HHIPL1: variants seen among roughly 807,000 people sequenced by gnomAD.
HHIPL1 encodes the protein HHIP like 1, also known as HHIP-like protein 1.
In HHIPL1, 43 loss-of-function variants were observed where a neutral mutation model predicts 61.8. That is an observed-to-expected ratio of 0.70 (90% CI 0.55 to 0.90). The LOEUF is 0.90. HHIPL1 is among the 40% of genes least tolerant of loss of function. The pLI, the probability that HHIPL1 is intolerant of heterozygous loss-of-function variation, is 0.00. For synonymous variants in HHIPL1, 482 were observed against 515.8 expected (o/e 0.93, Z 0.89); for missense variants, 1,056 against 1,157.7 (o/e 0.91, Z 1.28).
chr14:99,647,325 G>A (rs35910916), intron 1 of HHIPL1, among the ~76,000 whole-genome samples: 27,942 of 152,128 alleles, frequency 0.18, 2,987 homozygotes, highest in Non-Finnish European at 0.24. Context: ...CAGCCTGGGG[G>A]CTCCTCAGGA....
upstream of HHIPL1, chr14:99,645,113 G>C: frequency 8.8e-7 from 1 of 1,137,744 alleles, no homozygotes; most frequent in African/African-American, 1.6e-5. Context: ...TGCGTGTAGG[G>C]AAGGGGAGCG....
chr14:99,655,403 C>T (rs1478320947), intron 2 of HHIPL1, among the ~76,000 whole-genome samples: 2 of 152,132 alleles, frequency 1.3e-5, no homozygotes, highest in Non-Finnish European at 2.9e-5. Context: ...AGGAGGATCG[C>T]TTGAGGACAG....
intron 4 of HHIPL1, 23 bp downstream of exon 4, chr14:99,659,779 C>T: frequency 7.2e-7 from 1 of 1,385,754 alleles, no homozygotes; most frequent in Non-Finnish European, 9.3e-7. Flanking sequence ...GCCCCGGGGA[C>T]CCCGGCCCCG....
intron 1 of HHIPL1, among the ~76,000 whole-genome samples, chr14:99,646,278 G>C (rs1406726117): frequency 1.3e-5 from 2 of 152,274 alleles, no homozygotes; most frequent in African/African-American, 4.8e-5. Context: ...GCAGCCCCAA[G>C]GCATTCCTGC....
chr14:99,645,170 C>A lies in HHIPL1; in HGVS notation c.-38C>A. The A allele has an allele frequency of 7.9e-7, 1 of 1,259,144 alleles. No individual in the cohort carries two copies. Among genetic ancestry groups the A allele is most frequent in the Non-Finnish European group, 1.0e-6 (1 of 1,002,582 alleles). 78.0% of individuals were successfully genotyped at this position (1,259,144 alleles called of 1,614,324 possible). A position where few individuals can be genotyped will look rare whatever the true frequency, so the allele number is the denominator to read the frequency against. ...CGAGCGCCCCGGGAGGGGACCGGGG[C>A]TGCCGTCCCTCCGCCTCTTCCCCCG... On this transcript the variant is annotated 5_prime_UTR_variant, in exon 1 of 9. In the 5' UTR this introduces an upstream ATG that the reference lacks. Transcript: ENST00000330710.
At chr14:99,649,533 ATAATCCCAGAACTT>A (rs2055892830) in intron 1 of HHIPL1, among the ~76,000 whole-genome samples, 1 of 152,230 alleles carries the variant, frequency 6.6e-6, no homozygotes, top group Non-Finnish European at 1.5e-5. Flanking sequence ...GCTCATGCCT[ATAATCCCAGAACTT>A]TGGCGGGCCA....
chr14:99,648,512 G>C (rs769105145), intron 1 of HHIPL1, among the ~76,000 whole-genome samples: 1 of 152,212 alleles, frequency 6.6e-6, no homozygotes, highest in Admixed American at 6.5e-5. Flanking sequence ...CCCACAGTCC[G>C]TGGAGTGGAC....
At chr14:99,624,338 G>A in the HHIPL1 span, among the ~76,000 whole-genome samples, 2 of 152,200 alleles carry the variant, frequency 1.3e-5, no homozygotes, top group African/African-American at 4.8e-5. Context: ...CATCTCGGGT[G>A]TGTCTTCATC....
At chr14:99,636,380 C>T in the HHIPL1 span, among the ~76,000 whole-genome samples, 1 of 152,192 alleles carries the variant, frequency 6.6e-6, no homozygotes, top group Admixed American at 6.5e-5. Flanking sequence ...ATGAGGCCCG[C>T]ATGACGTGGC....
At chr14:99,645,721 C>T (rs2055821759) in intron 1 of HHIPL1, among the ~76,000 whole-genome samples, 1 of 152,216 alleles carries the variant, frequency 6.6e-6, no homozygotes, top group Non-Finnish European at 1.5e-5. Flanking sequence ...GACGGACGGA[C>T]GGACAGATGA....
At chr14:99,609,769 A>T in the HHIPL1 span, among the ~76,000 whole-genome samples, 2 of 152,206 alleles carry the variant, frequency 1.3e-5, no homozygotes, top group Admixed American at 6.6e-5. Context: ...ACTGCACAGG[A>T]CGGCTGCCTA....
Position 99,668,332 on chromosome 14 carries a change from T to A in HHIPL1, c.1730+29T>A. ...AGTCCCAGCCTCCAGGACAGGGAGC[T>A]CCTGCTGTCTGTCAGGCCTCTTAGC... On this transcript the variant is annotated intron_variant, in intron 7 of 8. Transcript: ENST00000330710. This position sits in a 1 kb window ranked among gnomAD's most constrained non-coding sequence, Gnocchi z 4.7. The A allele has an allele frequency of 7.3e-7, 1 of 1,370,500 alleles. No homozygotes were observed. The highest frequency in any genetic ancestry group is 1.0e-6 in the Non-Finnish European group (1 of 958,340). 84.9% of individuals were successfully genotyped at this position (1,370,500 alleles called of 1,614,324 possible).
At chr14:99,632,048 C>G in the HHIPL1 span, among the ~76,000 whole-genome samples, 1 of 152,166 alleles carries the variant, frequency 6.6e-6, no homozygotes, top group African/African-American at 2.4e-5. Context: ...GGGGGTGAGA[C>G]CAGCAACACC....
the HHIPL1 span, among the ~76,000 whole-genome samples, chr14:99,612,515 A>G: frequency 6.6e-6 from 1 of 152,248 alleles, no homozygotes; most frequent in Non-Finnish European, 1.5e-5. Context: ...TGATGCTTTC[A>G]CAGGTACACA....
At chr14:99,635,641 G>GA in the HHIPL1 span, among the ~76,000 whole-genome samples, 1 of 151,524 alleles carries the variant, frequency 6.6e-6, no homozygotes, top group South Asian at 2.1e-4. Context: ...CTGCAGTGGT[G>GA]AGCCCATCTC....
At chr14:99,637,298 A>T in the HHIPL1 span, among the ~76,000 whole-genome samples, 1 of 152,154 alleles carries the variant, frequency 6.6e-6, no homozygotes, top group Non-Finnish European at 1.5e-5. Context: ...GCAGTGGCTC[A>T]TGCCTGTAAT....
At position 99,652,630 on chromosome 14, in the gene HHIPL1, A is replaced by G. The variant is rs1318188255; in HGVS notation, c.662A>G (p.Tyr221Cys). 1 of 1,613,296 alleles carries G rather than the reference A, an allele frequency of 6.2e-7. No homozygotes were observed. Among genetic ancestry groups the G allele is most frequent in the Non-Finnish European group, 8.5e-7 (1 of 1,179,788 alleles). Residue 221 changes from tyrosine (Y) to cysteine (C), a missense_variant, in exon 2 of 9, where the codon TAC becomes TGC. Physicochemically the swap from Tyr to Cys is radical, Grantham distance 194. Transcript: ENST00000330710. ...GAGCAGGTGGGGCTGGTGTGGGCCT[A>G]CCTGCCCGACCGCTCGAGGCTGGGG... ...VAEQVGLVWA[Y>C]LPDRSRLGKP... is the part of the protein sequence containing the mutation.
the HHIPL1 span, among the ~76,000 whole-genome samples, chr14:99,631,054 TTCTTTCTTTCTTTC>T: frequency 1.1e-4 from 8 of 75,490 alleles, no homozygotes; most frequent in Admixed American, 2.3e-4. Context: ...TCCATTTTCT[TTCTTTCTTTCTTTC>T]TTTCTTTCTT....
At chr14:99,618,835 A>C in the HHIPL1 span, among the ~76,000 whole-genome samples, 1 of 152,218 alleles carries the variant, frequency 6.6e-6, no homozygotes, top group Admixed American at 6.5e-5. Context: ...CGAGGGGTGC[A>C]CATCTGGTGT....
Sources: allele counts gnomAD v4.1 joint callset (sites outside exome capture counted in the v4.1 genomes callset), GRCh38; gene constraint gnomAD v4.1.1; non-coding constraint Gnocchi (gnomAD v3.1); transcripts MANE v1.5; gene names NCBI Gene and HGNC (gene_info 2026-07-23, HGNC 2026-07-21).